EXOC4: variants seen among roughly 807,000 people sequenced by gnomAD.
The protein encoded by EXOC4 is SEC8-like 1.
EXOC4 carries 71 observed loss-of-function variants against 107.2 expected under a neutral mutation model. The observed-to-expected ratio is 0.66, with a 90% CI of 0.55 to 0.81. EXOC4 has a LOEUF of 0.81. EXOC4 is among the 30% of genes least tolerant of loss of function. The pLI is 0.00. For missense variants in EXOC4, 1,108 were observed against 1,189.6 expected, an observed-to-expected ratio of 0.93 and a Z score of 1.01; for synonymous variants, 456 against 441.2, an observed-to-expected ratio of 1.03 and a Z score of -0.42.
chr7:133,874,455 C>G (rs531524220), intron 11 of EXOC4, among the ~76,000 whole-genome samples: 98 of 152,308 alleles, frequency 6.4e-4, no homozygotes, highest in African/African-American at 2.1e-3. Context: ...AGTTGAATCT[C>G]CACTCCTGAA....
intron 9 of EXOC4, among the ~76,000 whole-genome samples, chr7:133,511,545 G>A (rs1255100388): frequency 6.6e-6 from 1 of 152,090 alleles, no homozygotes; most frequent in Non-Finnish European, 1.5e-5. Flanking sequence ...GGCAGATGGG[G>A]GAGGGCAGAG....
intron 5 of EXOC4, among the ~76,000 whole-genome samples, chr7:133,345,629 GTTTA>G (rs886458028): frequency 2.0e-5 from 3 of 151,914 alleles, no homozygotes; most frequent in African/African-American, 4.8e-5. Flanking sequence ...TGTCAATTTT[GTTTA>G]TTTATTTATT....
At chr7:133,609,429 T>G (rs1471855045) in intron 9 of EXOC4, among the ~76,000 whole-genome samples, 1 of 152,198 alleles carries the variant, frequency 6.6e-6, no homozygotes, top group African/African-American at 2.4e-5. Flanking sequence ...GGAAAATAAT[T>G]TTCTGATATT....
intron 11 of EXOC4, among the ~76,000 whole-genome samples, chr7:133,859,922 G>A (rs1367914234): frequency 1.3e-5 from 2 of 152,102 alleles, no homozygotes; most frequent in African/African-American, 2.4e-5. Flanking sequence ...AGGAAATTTC[G>A]TTACAAAGAT....
chr7:133,408,480 G>A (rs753200826), intron 7 of EXOC4, among the ~76,000 whole-genome samples: 5 of 151,578 alleles, frequency 3.3e-5, no homozygotes, highest in Non-Finnish European at 5.9e-5. Context: ...GATGATGGAG[G>A]TCACAGTAGG....
At chr7:133,640,569 G>A (rs1206988918) in intron 10 of EXOC4, among the ~76,000 whole-genome samples, 2 of 152,198 alleles carry the variant, frequency 1.3e-5, no homozygotes, top group Non-Finnish European at 2.9e-5. Context: ...TCTCAGGGCA[G>A]TAAGAGATCT....
chr7:133,298,812 A>T (rs1354639327), intron 3 of EXOC4, among the ~76,000 whole-genome samples: 2 of 152,192 alleles, frequency 1.3e-5, no homozygotes, highest in Non-Finnish European at 2.9e-5. Flanking sequence ...AGAAAGAATT[A>T]AGAATTATAA....
chr7:133,413,129 C>T (rs770321216), intron 7 of EXOC4, among the ~76,000 whole-genome samples: 13 of 152,094 alleles, frequency 8.5e-5, no homozygotes, highest in Non-Finnish European at 1.6e-4. Context: ...TGGTTCAGTA[C>T]CAATTCAAAG....
chr7:133,722,222 T>C (rs568559404), intron 10 of EXOC4, among the ~76,000 whole-genome samples: 19 of 152,332 alleles, frequency 1.2e-4, no homozygotes, highest in African/African-American at 4.6e-4. Context: ...TTCATTGCAA[T>C]GAAATGTTGG....
chr7:133,377,556 A>T (rs1035819993), intron 7 of EXOC4, among the ~76,000 whole-genome samples: 1 of 152,172 alleles, frequency 6.6e-6, no homozygotes, highest in African/African-American at 2.4e-5. Context: ...CTTAACAATT[A>T]TGTGGTTTAC....
intron 9 of EXOC4, among the ~76,000 whole-genome samples, chr7:133,582,493 G>C (rs1005013367): frequency 6.6e-6 from 1 of 152,108 alleles, no homozygotes; most frequent in African/African-American, 2.4e-5. Flanking sequence ...GCTTTGCGGG[G>C]TTGTTAAAAT....
At chr7:133,871,541 C>T (rs1798752916) in intron 11 of EXOC4, among the ~76,000 whole-genome samples, 2 of 152,156 alleles carry the variant, frequency 1.3e-5, no homozygotes, top group Admixed American at 1.3e-4. Context: ...ACACCCAGCC[C>T]AGATTTTTAC....
chr7:133,775,704 T>A (rs1796331312), intron 10 of EXOC4, among the ~76,000 whole-genome samples: 1 of 152,174 alleles, frequency 6.6e-6, no homozygotes, highest in Non-Finnish European at 1.5e-5. Context: ...CCTATCCATG[T>A]CTCCTGTGGG....
At chr7:133,480,491 T>C in intron 9 of EXOC4, 1 of 1,075,004 alleles carries the variant, frequency 9.3e-7, no homozygotes, top group Non-Finnish European at 1.1e-6. Context: ...TGACACCTTC[T>C]AGAATATGAC....
chr7:133,311,428 A>G (rs1236358737), intron 4 of EXOC4, among the ~76,000 whole-genome samples: 1 of 152,188 alleles, frequency 6.6e-6, no homozygotes, highest in Non-Finnish European at 1.5e-5. Context: ...ATTTTGAACA[A>G]TAGTTCAGCT....
At chr7:133,421,094 C>T (rs1442140190) in intron 7 of EXOC4, among the ~76,000 whole-genome samples, 2 of 151,904 alleles carry the variant, frequency 1.3e-5, no homozygotes, top group African/African-American at 4.8e-5. Flanking sequence ...TCCTTTGCAT[C>T]AATTCTTTTA....
At chr7:134,059,366 A>C (rs1361583721) in intron 17 of EXOC4, among the ~76,000 whole-genome samples, 2 of 152,196 alleles carry the variant, frequency 1.3e-5, no homozygotes, top group African/African-American at 4.8e-5. Flanking sequence ...ATGAAAATTT[A>C]TGAAAAGCTC....
At chr7:134,020,860 C>A (rs1332321059) in intron 17 of EXOC4, among the ~76,000 whole-genome samples, 2 of 152,086 alleles carry the variant, frequency 1.3e-5, no homozygotes, top group African/African-American at 4.8e-5. Flanking sequence ...GTGGCAGGTG[C>A]CTGTAGTCCC....
chr7:133,823,861 ATATATATATATT>A (rs1563014696), intron 11 of EXOC4, among the ~76,000 whole-genome samples: 5 of 17,344 alleles, frequency 2.9e-4, no homozygotes, highest in African/African-American at 6.2e-4. Context: ...ATATATATAT[ATATATATATATT>A]ATATATATAT....
Sources: allele counts gnomAD v4.1 joint callset (sites outside exome capture counted in the v4.1 genomes callset), GRCh38; gene constraint gnomAD v4.1.1; transcripts MANE v1.5; gene names NCBI Gene and HGNC (gene_info 2026-07-23, HGNC 2026-07-21).